The following USP42 variants were observed in gnomAD, a reference collection of about 807,000 sequenced individuals.
The protein encoded by USP42 is ubiquitin specific peptidase 42.
USP42 carries 23 observed loss-of-function variants against 113.0 expected under a neutral mutation model. The observed-to-expected ratio is 0.20, with a 90% CI of 0.15 to 0.29. The LOEUF is 0.29. Among genes scored for constraint, USP42 ranks in the 10% least tolerant of loss-of-function variants. The pLI, the probability that USP42 is intolerant of heterozygous loss-of-function variation, is 1.00. For missense variants in USP42, 2,174 were observed against 1,779.8 expected (o/e 1.22, Z -3.99); for synonymous variants, 933 against 699.0 (o/e 1.33, Z -5.28).
At chr7:6,094,972 G>C in the USP42 span, among the ~76,000 whole-genome samples, 6 of 151,222 alleles carry the variant, frequency 4.0e-5, 1 homozygote, top group African/African-American at 9.9e-5. Context: ...ATTTTTAGTA[G>C]AGATGGAGTT....
At chr7:6,144,591 C>T (rs530109547) in intron 9 of USP42, among the ~76,000 whole-genome samples, 31 of 152,170 alleles carry the variant, frequency 2.0e-4, no homozygotes, top group East Asian at 9.6e-4. Flanking sequence ...AATAATCGGC[C>T]GAGTGTGGTG....
intron 14 of USP42, among the ~76,000 whole-genome samples, chr7:6,153,417 TA>T (rs904883896): frequency 6.6e-6 from 1 of 152,086 alleles, no homozygotes; most frequent in Admixed American, 6.5e-5. Flanking sequence ...CTTGATGATA[TA>T]ACATTTTATT....
chr7:6,150,718 G>A (rs1001591706), intron 14 of USP42, among the ~76,000 whole-genome samples: 1 of 152,192 alleles, frequency 6.6e-6, no homozygotes, highest in Non-Finnish European at 1.5e-5. Flanking sequence ...ACGGAAACTT[G>A]ATGTACTCAC....
rs1044224426 is a variant in USP42, at chr7:6,104,978, T to TGCGGCG, written c.-49_-44dup. The TGCGGCG allele has an allele frequency of 3.2e-4, 49 of 152,282 alleles. No homozygotes were observed. The highest frequency in any genetic ancestry group is 1.5e-3 in the Admixed American group (22 of 14,754). 9.4% of individuals were successfully genotyped at this position (152,282 alleles called of 1,614,324 possible). On this transcript the variant is annotated 5_prime_UTR_variant, in exon 1 of 18. Coordinates refer to ENST00000306177, the MANE Select transcript of USP42 (RefSeq NM_032172.3). ...TCCCCCGCCGGGCGGCTGGGCTGTGTGCGGCGGCGGCGGCGGCGGCCGAGG... is the reference window on the plus strand; with the variant it reads ...TCCCCCGCCGGGCGGCTGGGCTGTGTGCGGCGGCGGCGGCGGCGGCGGCGGCCGAGG...
chr7:6,095,583 C>T, the USP42 span, among the ~76,000 whole-genome samples: 3 of 150,836 alleles, frequency 2.0e-5, no homozygotes, highest in African/African-American at 7.4e-5. Flanking sequence ...GCAGGAGAAT[C>T]ACTTGAACCT....
the USP42 span, among the ~76,000 whole-genome samples, chr7:6,082,357 T>C: frequency 6.6e-6 from 1 of 152,070 alleles, no homozygotes; most frequent in Non-Finnish European, 1.5e-5. Flanking sequence ...CTCGATCTCC[T>C]GACCTCGTGA....
intron 3 of USP42, 56 bp from the exon 4 acceptor site, chr7:6,135,785 G>T: frequency 2.0e-6 from 2 of 998,770 alleles, no homozygotes; most frequent in East Asian, 2.8e-5. Context: ...AATTAGCCTT[G>T]ATGTGTGTAT....
intron 7 of USP42, among the ~76,000 whole-genome samples, chr7:6,141,590 GCTC>G (rs2128505973): frequency 6.8e-6 from 1 of 147,812 alleles, no homozygotes; most frequent in East Asian, 2.0e-4. Flanking sequence ...ATGGAGTCTT[GCTC>G]CATTGCCCAG....
chr7:6,104,530 TC>T (rs1311600251), upstream of USP42, among the ~76,000 whole-genome samples: 3 of 152,202 alleles, frequency 2.0e-5, no homozygotes, highest in Non-Finnish European at 4.4e-5. Context: ...GACTCCTGCG[TC>T]CCCAGGTGCC....
chr7:6,083,180 C>T, the USP42 span, among the ~76,000 whole-genome samples: 5 of 149,714 alleles, frequency 3.3e-5, no homozygotes, highest in Admixed American at 1.3e-4. Flanking sequence ...CCACCTTGGC[C>T]TCCCAAAGGG....
chr7:6,149,490 A>C, intron 12 of USP42, 93 bp from the exon 13 acceptor site: 1 of 1,461,562 alleles, frequency 6.8e-7, no homozygotes, highest in Non-Finnish European at 9.1e-7. Flanking sequence ...AAAAAAAAAA[A>C]GCAAAATGGG....
chr7:6,113,956 C>T (rs541162189), intron 2 of USP42, among the ~76,000 whole-genome samples: 2 of 152,296 alleles, frequency 1.3e-5, no homozygotes, highest in South Asian at 4.1e-4. Flanking sequence ...TGGGGGACTG[C>T]CAAAGCCTTT....
rs995148783 is a variant in USP42, at chr7:6,152,867, C to CCT, written c.2202-886_2202-885dup. The CCT allele has an allele frequency of 3.9e-5, 36 of 925,774 alleles. No homozygotes were observed. The Admixed American group carries it at 2.0e-3, about 51-fold the overall frequency. The allele number at this position is 925,774 out of a possible 1,614,324, so 57.3% of individuals were successfully genotyped here. On this transcript the variant is annotated intron_variant, in intron 14 of 17. Coordinates refer to ENST00000306177, the MANE Select transcript of USP42 (RefSeq NM_032172.3). Reference sequence around the variant, plus strand: ...CTGCTGGCTGTGTTTGGAGGTGGCCCCTCTACCTTTGAGGGTCCAAGAGAA... The same window carrying CCT: ...CTGCTGGCTGTGTTTGGAGGTGGCCCCTCTCTACCTTTGAGGGTCCAAGAGAA...
the USP42 span, among the ~76,000 whole-genome samples, chr7:6,088,166 G>C: frequency 6.6e-6 from 1 of 151,180 alleles, no homozygotes. Context: ...CGGGTACTGA[G>C]CTATGATTGC....
In USP42 at chr7:6,135,984, A is replaced by G. The variant is rs1425791067; in HGVS notation, c.553+33A>G. Reference sequence around the variant, plus strand: ...TTAACTATTGTAGTTTTATATTTGTATTTATTACCTAGTTATACTTTTTTT... The same window carrying G: ...TTAACTATTGTAGTTTTATATTTGTGTTTATTACCTAGTTATACTTTTTTT... On this transcript the variant is annotated intron_variant, in intron 4 of 17. Transcript: ENST00000306177. The G allele has an allele frequency of 5.9e-6, 6 of 1,009,722 alleles. No individual in the cohort carries two copies. The Admixed American group carries it at 1.3e-4, about 21-fold the overall frequency. The allele number at this position is 1,009,722 out of a possible 1,614,324, so 62.5% of individuals were successfully genotyped here.
chr7:6,128,458 G>T (rs947472294), intron 3 of USP42, among the ~76,000 whole-genome samples: 1 of 151,990 alleles, frequency 6.6e-6, no homozygotes, highest in African/African-American at 2.4e-5. Flanking sequence ...TTTGATTAAT[G>T]CTTGCATGAC....
Position 6,158,566 on chromosome 7 carries a change from G to T in USP42, c.3944-884G>T, listed in dbSNP as rs897689369. ...TAGAGTGTGTGAGAGAGAGCTGGGG[G>T]TTGCGGGGTGAGCCCCATGGGGGAC... On this transcript the variant is annotated intron_variant, in intron 16 of 17. Transcript: ENST00000306177. The surrounding 1 kb of genome is among the most constrained non-coding windows in gnomAD (Gnocchi z 4.2). Among the ~76,000 whole-genome samples, 6 of 152,224 alleles carry T rather than the reference G, an allele frequency of 3.9e-5. No homozygotes were observed. The highest frequency in any genetic ancestry group is 8.8e-5 in the Non-Finnish European group (6 of 68,042).
chr7:6,133,392 T>G (rs1780954835), intron 3 of USP42, among the ~76,000 whole-genome samples: 1 of 152,226 alleles, frequency 6.6e-6, no homozygotes, highest in African/African-American at 2.4e-5. Context: ...ATTTTGAGAT[T>G]TTCTCTCTCT....
At chr7:6,160,341 G>C (rs1782701544) in intron 17 of USP42, among the ~76,000 whole-genome samples, 1 of 152,294 alleles carries the variant, frequency 6.6e-6, no homozygotes, top group African/African-American at 2.4e-5. Flanking sequence ...TCTGGGGCGG[G>C]TGGTGGCCGG....
Sources: allele counts gnomAD v4.1 joint callset (sites outside exome capture counted in the v4.1 genomes callset), GRCh38; gene constraint gnomAD v4.1.1; non-coding constraint Gnocchi (gnomAD v3.1); transcripts MANE v1.5; gene names NCBI Gene and HGNC (gene_info 2026-07-23, HGNC 2026-07-21).